The following RFX7 variants were observed in gnomAD, a reference collection of about 807,000 sequenced individuals.
The protein encoded by RFX7 is regulatory factor X7.
A neutral mutation model predicts 111.8 loss-of-function variants in RFX7; 26 were observed. The ratio of observed to expected loss-of-function variants is 0.23; its 90% CI spans 0.17 to 0.32. The LOEUF (loss-of-function observed/expected upper bound fraction) is 0.32, where lower values mean the gene tolerates loss of function less well. Among genes scored for constraint, RFX7 ranks in the 10% least tolerant of loss-of-function variants. The pLI, the probability that RFX7 is intolerant of heterozygous loss-of-function variation, is 1.00. For synonymous variants in RFX7, 624 were observed against 624.4 expected, an observed-to-expected ratio of 1.00 and a Z score of 0.01; for missense variants, 1,573 against 1,772.9, an observed-to-expected ratio of 0.89 and a Z score of 2.02.
rs180845007 is a variant in RFX7, at chr15:56,226,800, A to G, written c.161+16325T>C. 2.1e-4 allele frequency among the ~76,000 whole-genome samples: 32 copies of G among 152,292 alleles called. No individual in the cohort carries two copies. In the East Asian group the frequency reaches 5.2e-3, roughly 25 times the overall value. On this transcript the variant is annotated intron_variant, in intron 2 of 9. Transcript: ENST00000559447. Reference sequence around the variant, plus strand: ...TCCTTATTACCATGAATATAATGAAAGCTATAAATAGCTGAAACCCTTTAC... The same window carrying G: ...TCCTTATTACCATGAATATAATGAAGGCTATAAATAGCTGAAACCCTTTAC...
intron 5 of RFX7, among the ~76,000 whole-genome samples, chr15:56,121,850 T>C (rs182791968): frequency 1.3e-5 from 2 of 152,226 alleles, no homozygotes; most frequent in Non-Finnish European, 2.9e-5. Context: ...ATCTTTCAAC[T>C]CCAGAATTTG....
chr15:56,181,802 T>C (rs1000059490), intron 2 of RFX7, among the ~76,000 whole-genome samples: 1 of 127,214 alleles, frequency 7.9e-6, no homozygotes, highest in Non-Finnish European at 1.6e-5. Context: ...AAAAAATATA[T>C]GTAAATGATA....
intron 6 of RFX7, 71 bp downstream of exon 6, chr15:56,103,483 C>G: frequency 1.0e-5 from 10 of 962,120 alleles, no homozygotes; most frequent in Non-Finnish European, 1.5e-5. Flanking sequence ...GCCAGTTGAA[C>G]TACAACAATA....
chr15:56,187,706 T>G (rs1288353294), intron 2 of RFX7, among the ~76,000 whole-genome samples: 1 of 152,174 alleles, frequency 6.6e-6, no homozygotes, highest in Admixed American at 6.5e-5. Context: ...TGAGGAAGAC[T>G]CCAAGGTTCT....
intron 2 of RFX7, chr15:56,193,210 A>G (rs1472562123): frequency 5.6e-6 from 1 of 177,168 alleles, no homozygotes; most frequent in African/African-American, 2.4e-5. Flanking sequence ...TTCTTGCCCA[A>G]GGTTGTGGAC....
chr15:56,144,347 C>T (rs2042439951), intron 4 of RFX7, 54 bp downstream of exon 4: 2 of 1,014,404 alleles, frequency 2.0e-6, no homozygotes, highest in Non-Finnish European at 2.8e-6. Flanking sequence ...TCACATATAT[C>T]CTAGGGACAT....
intron 2 of RFX7, among the ~76,000 whole-genome samples, chr15:56,185,827 A>G (rs1045143118): frequency 4.6e-5 from 7 of 152,120 alleles, no homozygotes; most frequent in African/African-American, 1.7e-4. Flanking sequence ...TTAAGTGAGG[A>G]TATTTTCTCC....
chr15:56,186,846 G>T (rs1469055097), intron 2 of RFX7, among the ~76,000 whole-genome samples: 1 of 152,044 alleles, frequency 6.6e-6, no homozygotes, highest in East Asian at 1.9e-4. Context: ...ATGTATTCAT[G>T]AACATATCTA....
At chr15:56,135,014 T>C (rs1208682328) in intron 5 of RFX7, among the ~76,000 whole-genome samples, 22 of 152,352 alleles carry the variant, frequency 1.4e-4, no homozygotes, top group Non-Finnish European at 2.6e-4. Flanking sequence ...CGGTCTATCA[T>C]TGTTGGACAT....
At chr15:56,145,625 CTCT>C (rs1476853151) in intron 3 of RFX7, among the ~76,000 whole-genome samples, 2 of 152,310 alleles carry the variant, frequency 1.3e-5, no homozygotes, top group African/African-American at 2.4e-5. Flanking sequence ...AACACACATT[CTCT>C]TCTTAATTGC....
chr15:56,224,042 A>T (rs989938403), intron 2 of RFX7, among the ~76,000 whole-genome samples: 5 of 151,224 alleles, frequency 3.3e-5, no homozygotes, highest in African/African-American at 9.7e-5. Context: ...TTTTTGAAGG[A>T]TAACCTTCAG....
intron 5 of RFX7, among the ~76,000 whole-genome samples, chr15:56,134,403 T>C (rs2042261922): frequency 1.3e-5 from 2 of 152,240 alleles, no homozygotes; most frequent in Non-Finnish European, 2.9e-5. Flanking sequence ...AAGTGAAATA[T>C]TCTTAGTGAA....
At chr15:56,239,023 G>A (rs2713926) in intron 2 of RFX7, among the ~76,000 whole-genome samples, 49,875 of 151,448 alleles carry the variant, frequency 0.33, 9,393 homozygotes, top group Non-Finnish European at 0.41. Context: ...CAGTAGAGAC[G>A]GGGTTTCACC....
rs1276282555 is a variant in RFX7 at position 56,089,022 on chromosome 15, A to AG, written c.*4322dup. 4 of 152,292 alleles carry AG rather than the reference A, an allele frequency of 2.6e-5. No individual in the cohort carries two copies. Among genetic ancestry groups the AG allele is most frequent in the African/African-American group, 9.6e-5 (4 of 41,562 alleles). 9.4% of individuals were successfully genotyped at this position (152,292 alleles called of 1,614,324 possible). ...GACCACTACTGGTTGCCTCCCAAAG[A>AG]GCAAGTCCCTAATATCTTCCCTAGG... On this transcript the variant is annotated 3_prime_UTR_variant, in exon 10 of 10. Transcript: ENST00000559447.
At position 56,113,055 on chromosome 15, in the gene RFX7, G is replaced by C. The variant is rs532551098; in HGVS notation, c.402-9385C>G. On this transcript the variant is annotated intron_variant, in intron 5 of 9. Coordinates refer to ENST00000559447, the MANE Select transcript of RFX7 (RefSeq NM_022841.7). ...AGGAACACTTTTACACTGTTGGTGGGAATGTAAATTAGTTCAACCATTGTG... is the reference window on the plus strand; with the variant it reads ...AGGAACACTTTTACACTGTTGGTGGCAATGTAAATTAGTTCAACCATTGTG... Among the ~76,000 whole-genome samples the C allele has an allele frequency of 2.0e-5, 3 of 152,320 alleles. No individual in the cohort carries two copies. The South Asian group carries it at 6.2e-4, about 32-fold the overall frequency.
chr15:56,217,419 T>C (rs986261141), intron 2 of RFX7, among the ~76,000 whole-genome samples: 47 of 121,810 alleles, frequency 3.9e-4, no homozygotes, highest in Non-Finnish European at 8.6e-4. Context: ...CTGTTACAAC[T>C]TTTTTTTTTT....
At chr15:56,135,025 T>G (rs1225417340) in intron 5 of RFX7, among the ~76,000 whole-genome samples, 10 of 152,230 alleles carry the variant, frequency 6.6e-5, no homozygotes, top group Non-Finnish European at 1.2e-4. Flanking sequence ...TGTTGGACAT[T>G]TGGGTTGGTT....
Position 56,091,577 on chromosome 15 carries a change from A to G in RFX7, c.*1768T>C, listed in dbSNP as rs1024996445. 1 of 152,406 alleles carries G rather than the reference A, an allele frequency of 6.6e-6. No homozygotes were observed. The highest frequency in any genetic ancestry group is 1.5e-5 in the Non-Finnish European group (1 of 67,964). The allele number at this position is 152,406 out of a possible 1,614,324, so 9.4% of individuals were successfully genotyped here. On this transcript the variant is annotated 3_prime_UTR_variant, in exon 10 of 10. Coordinates refer to ENST00000559447, the MANE Select transcript of RFX7 (RefSeq NM_022841.7). ...GAGTATCTCATAAAGAAAGGCTCCCATCATTTGTCAGGAGAAATCACACAG... is the reference window on the plus strand; with the variant it reads ...GAGTATCTCATAAAGAAAGGCTCCCGTCATTTGTCAGGAGAAATCACACAG...
At chr15:56,150,133 C>T (rs946882497) in intron 3 of RFX7, among the ~76,000 whole-genome samples, 6 of 152,168 alleles carry the variant, frequency 3.9e-5, no homozygotes, top group African/African-American at 1.4e-4. Context: ...CTGGGTGGAG[C>T]CCACTGCAGC....
Sources: allele counts gnomAD v4.1 joint callset (sites outside exome capture counted in the v4.1 genomes callset), GRCh38; gene constraint gnomAD v4.1.1; transcripts MANE v1.5; gene names NCBI Gene and HGNC (gene_info 2026-07-23, HGNC 2026-07-21).